PTPN9: variants seen among roughly 807,000 people sequenced by gnomAD.
PTPN9 encodes the protein tyrosine-protein phosphatase non-receptor type 9.
A neutral mutation model predicts 69.8 loss-of-function variants in PTPN9; 26 were observed. The observed-to-expected ratio is 0.37, with a 90% CI of 0.27 to 0.52. PTPN9 has a LOEUF of 0.52. Among genes scored for constraint, PTPN9 ranks in the 20% least tolerant of loss-of-function variants. The pLI is 0.91. For missense variants in PTPN9, 549 were observed against 740.3 expected, an observed-to-expected ratio of 0.74 and a Z score of 3.00; for synonymous variants, 274 against 272.5, an observed-to-expected ratio of 1.01 and a Z score of -0.05.
chr15:75,552,771 G>A (rs141006517), intron 1 of PTPN9, among the ~76,000 whole-genome samples: 220 of 148,890 alleles, frequency 1.5e-3, no homozygotes, highest in African/African-American at 5.2e-3. Flanking sequence ...TCAGTTCTGA[G>A]TGCTGAACTT....
chr15:75,519,419 T>C (rs1223866607), intron 4 of PTPN9, among the ~76,000 whole-genome samples: 1 of 151,090 alleles, frequency 6.6e-6, no homozygotes, highest in African/African-American at 2.4e-5. Flanking sequence ...AGTTATTTTG[T>C]ATCTTACTAT....
At chr15:75,510,790 G>A (rs2074842050) in intron 5 of PTPN9, among the ~76,000 whole-genome samples, 2 of 152,014 alleles carry the variant, frequency 1.3e-5, no homozygotes, top group South Asian at 4.1e-4. Flanking sequence ...TGTTCACAAT[G>A]CAGCCATCAC....
rs766384414 is a variant in PTPN9 at position 75,505,956 on chromosome 15, C to T, written c.687G>A (p.Glu229=). ...ACCCACCCAGGTTTTCTGGAAGACA[C>T]TCCCTGGGCAGATGCTGCGTGACCT... ...TSEVTQHLPR[E]CLPENLGGYV... The change falls in exon 7 of 13, where the codon GAG becomes GAA. Residue 229 remains glutamate (E), a synonymous_variant. Transcript: ENST00000618819. 5.6e-6 allele frequency: 9 copies of T among 1,614,082 alleles called. No homozygotes were observed. The highest frequency in any genetic ancestry group is 7.6e-6 in the Non-Finnish European group (9 of 1,179,972).
chr15:75,504,638 G>A (rs1348614715), intron 7 of PTPN9, among the ~76,000 whole-genome samples: 1 of 141,382 alleles, frequency 7.1e-6, no homozygotes, highest in Non-Finnish European at 1.6e-5. Context: ...TGGGAGGGAG[G>A]TGGGGGGGTC....
intron 3 of PTPN9, among the ~76,000 whole-genome samples, chr15:75,523,907 C>G (rs941235074): frequency 4.6e-5 from 7 of 151,922 alleles, no homozygotes; most frequent in African/African-American, 1.2e-4. Context: ...CTGCTCCTAA[C>G]TGTGGAGACT....
intron 9 of PTPN9, among the ~76,000 whole-genome samples, chr15:75,476,538 T>C (rs969388932): frequency 6.6e-6 from 1 of 152,104 alleles, no homozygotes; most frequent in Admixed American, 6.6e-5. Context: ...TGGTTTCAAA[T>C]ACCTGACCTC....
chr15:75,568,176 G>A (rs941295378), intron 1 of PTPN9, among the ~76,000 whole-genome samples: 5 of 151,434 alleles, frequency 3.3e-5, no homozygotes, highest in Non-Finnish European at 5.9e-5. Flanking sequence ...CCTCCTGTTC[G>A]CACCCTCCAT....
intron 12 of PTPN9, 88 bp from the exon 13 acceptor site, chr15:75,469,071 A>G (rs2074550835): frequency 8.1e-7 from 1 of 1,235,278 alleles, no homozygotes. Flanking sequence ...TGAATGAATG[A>G]CTTCACAGGC....
At chr15:75,530,738 T>TATA (rs373668652) in intron 1 of PTPN9, among the ~76,000 whole-genome samples, 3,002 of 37,054 alleles carry the variant, frequency 0.081, 929 homozygotes, top group African/African-American at 0.31. Context: ...TATATATTAT[T>TATA]ATATAATATA....
At chr15:75,561,251 G>A (rs561763919) in intron 1 of PTPN9, among the ~76,000 whole-genome samples, 14 of 151,902 alleles carry the variant, frequency 9.2e-5, no homozygotes, top group Non-Finnish European at 1.8e-4. Context: ...GGCGATGGAG[G>A]TTGCAGTAAG....
chr15:75,463,351 C>G lies in PTPN9; in HGVS notation c.*5418G>C, dbSNP rs752672351. ...CCCCAGATGAAATGGCTGACCTTTA[C>G]TCAGGTGCACATCTGGCCAGTCTTG... On this transcript the variant is annotated 3_prime_UTR_variant, in exon 13 of 13. Transcript: ENST00000618819. 6.6e-6 allele frequency: 1 copy of G among 152,138 alleles called. No homozygotes were observed. The highest frequency in any genetic ancestry group is 2.4e-5 in the African/African-American group (1 of 41,428). The allele number at this position is 152,138 out of a possible 1,614,324, so 9.4% of individuals were successfully genotyped here. A position where few individuals can be genotyped will look rare whatever the true frequency, so the allele number is the denominator to read the frequency against.
At chr15:75,500,240 A>G (rs1225181724) in intron 7 of PTPN9, among the ~76,000 whole-genome samples, 2 of 151,930 alleles carry the variant, frequency 1.3e-5, no homozygotes, top group South Asian at 4.2e-4. Flanking sequence ...TTGAGCCGGG[A>G]GATGGAGGTT....
At position 75,468,038 on chromosome 15, in the gene PTPN9, A is replaced by G. The variant is rs1461995349; in HGVS notation, c.*731T>C. On this transcript the variant is annotated 3_prime_UTR_variant, in exon 13 of 13. Coordinates refer to ENST00000618819, the MANE Select transcript of PTPN9 (RefSeq NM_002833.4). Reference sequence around the variant, plus strand: ...TCCTCTTCCACCACTCTGTAGCCTGACAAGAGGAGACATGATCACCAACCC... The same window carrying G: ...TCCTCTTCCACCACTCTGTAGCCTGGCAAGAGGAGACATGATCACCAACCC... The G allele has an allele frequency of 6.6e-6, 1 of 152,578 alleles. No individual in the cohort carries two copies. The allele number at this position is 152,578 out of a possible 1,614,324, so 9.5% of individuals were successfully genotyped here. A position where few individuals can be genotyped will look rare whatever the true frequency, so the allele number is the denominator to read the frequency against.
chr15:75,483,649 A>C (rs1002045829), intron 8 of PTPN9, among the ~76,000 whole-genome samples: 1 of 152,262 alleles, frequency 6.6e-6, no homozygotes, highest in Non-Finnish European at 1.5e-5. Context: ...CTCTGTGAAT[A>C]TACTAATAGC....
intron 2 of PTPN9, 146 bp downstream of exon 2, chr15:75,526,972 C>T: frequency 2.0e-6 from 2 of 1,010,014 alleles, no homozygotes; most frequent in East Asian, 5.1e-5. Context: ...AGCTTCAGCT[C>T]TCACAAGGGC....
chr15:75,527,303 C>T, intron 1 of PTPN9, 42 bp from the exon 2 acceptor site: 1 of 1,604,848 alleles, frequency 6.2e-7, no homozygotes, highest in Non-Finnish European at 8.5e-7. Flanking sequence ...AAGAAGAGAG[C>T]ATATTTATGG....
At chr15:75,480,384 C>A (rs1403737563) in intron 8 of PTPN9, among the ~76,000 whole-genome samples, 1 of 152,148 alleles carries the variant, frequency 6.6e-6, no homozygotes, top group Non-Finnish European at 1.5e-5. Context: ...GAGGGTGGAT[C>A]ACGAGGTCAG....
At chr15:75,540,543 T>TAAAA (rs1295928433) in intron 1 of PTPN9, among the ~76,000 whole-genome samples, 40 of 112,766 alleles carry the variant, frequency 3.5e-4, no homozygotes, top group African/African-American at 1.4e-3. Flanking sequence ...ACTCTGTCTC[T>TAAAA]AAAAAAAAAA....
chr15:75,549,843 G>A (rs1022004039), intron 1 of PTPN9, among the ~76,000 whole-genome samples: 1 of 152,018 alleles, frequency 6.6e-6, no homozygotes, highest in Non-Finnish European at 1.5e-5. Flanking sequence ...GTGTGGTAAA[G>A]CATGCCTATA....
Sources: gnomAD v4.1 joint callset for allele counts (sites outside exome capture counted in the v4.1 genomes callset) on GRCh38, gnomAD v4.1.1 for gene constraint, MANE v1.5 for transcripts, NCBI Gene and HGNC (gene_info 2026-07-23, HGNC 2026-07-21) for gene names.